The following KMT2C variants were observed in gnomAD, a reference collection of about 807,000 sequenced individuals.
KMT2C encodes the protein histone-lysine N-methyltransferase 2C.
A neutral mutation model predicts 507.9 loss-of-function variants in KMT2C; 88 were observed. The observed-to-expected ratio is 0.17, with a 90% CI of 0.15 to 0.21. The LOEUF (loss-of-function observed/expected upper bound fraction) is 0.21. KMT2C is among the 10% of genes least tolerant of loss of function. The pLI is 1.00. For synonymous variants in KMT2C, 2,049 were observed against 2,080.8 expected (o/e 0.98, Z 0.42); for missense variants, 4,954 against 5,957.8 (o/e 0.83, Z 5.55).
chr7:152,298,692 C>T (rs569589503), intron 6 of KMT2C, among the ~76,000 whole-genome samples: 5 of 152,140 alleles, frequency 3.3e-5, no homozygotes, highest in South Asian at 2.1e-4. Context: ...TGGATCAATA[C>T]GAAGGAATAA....
chr7:152,188,241 T>C (rs1303017299), intron 31 of KMT2C, among the ~76,000 whole-genome samples: 1 of 152,242 alleles, frequency 6.6e-6, no homozygotes, highest in Non-Finnish European at 1.5e-5. Flanking sequence ...ATATGATCTC[T>C]ACAGCTGTGA....
intron 23 of KMT2C, among the ~76,000 whole-genome samples, chr7:152,215,688 T>TATATATATATACACAC (rs766518165): frequency 6.0e-5 from 8 of 134,430 alleles, no homozygotes; most frequent in African/African-American, 2.7e-4. Flanking sequence ...TATATATATA[T>TATATATATATACACAC]ACACACACAC....
intron 1 of KMT2C, among the ~76,000 whole-genome samples, chr7:152,418,512 C>A (rs2097759486): frequency 6.6e-6 from 1 of 152,042 alleles, no homozygotes; most frequent in South Asian, 2.1e-4. Flanking sequence ...CTCACTGCAA[C>A]CTCCACCTCC....
rs2090084870 is a variant in KMT2C at position 152,138,042 on chromosome 7, TC to T, written c.14643+753del. ...AAGTCAAGTCACTCAGGTGCCTCACTCCCCAAATGCGGGACGTTTCCTACAG... is the reference window on the plus strand; with the variant it reads ...AAGTCAAGTCACTCAGGTGCCTCACTCCCAAATGCGGGACGTTTCCTACAG... On this transcript the variant is annotated intron_variant, in intron 58 of 58. Coordinates refer to ENST00000262189, the MANE Select transcript of KMT2C (RefSeq NM_170606.3). This position sits in a 1 kb window ranked among gnomAD's most constrained non-coding sequence, Gnocchi z 4.2. 1 of 152,146 alleles carries T rather than the reference TC, an allele frequency of 6.6e-6. No individual in the cohort carries two copies. Among genetic ancestry groups the T allele is most frequent in the South Asian group, 2.1e-4 (1 of 4,832 alleles). The allele number at this position is 152,146 out of a possible 1,614,324, so 9.4% of individuals were successfully genotyped here.
chr7:152,139,422 A>G (rs2090269657), intron 56 of KMT2C, among the ~76,000 whole-genome samples, 163 bp from the exon 57 acceptor site: 2 of 152,188 alleles, frequency 1.3e-5, no homozygotes, highest in South Asian at 4.1e-4. Context: ...CATGGCACGA[A>G]TGGAAAGCAT....
intron 6 of KMT2C, among the ~76,000 whole-genome samples, chr7:152,284,032 T>C (rs948259450): frequency 1.3e-5 from 2 of 152,174 alleles, no homozygotes; most frequent in African/African-American, 4.8e-5. Context: ...ACACTTAGTT[T>C]TGATTACTTT....
chr7:152,349,337 G>A (rs1363239148), intron 2 of KMT2C, among the ~76,000 whole-genome samples: 3 of 151,866 alleles, frequency 2.0e-5, no homozygotes, highest in Non-Finnish European at 2.9e-5. Flanking sequence ...CCAGCTACTC[G>A]GGAGGCTGAG....
intron 3 of KMT2C, among the ~76,000 whole-genome samples, chr7:152,328,563 A>G (rs2096852007): frequency 6.6e-6 from 1 of 152,218 alleles, no homozygotes; most frequent in Non-Finnish European, 1.5e-5. Flanking sequence ...AATTATGAAT[A>G]TAATTTAAAT....
chr7:152,166,558 A>G (rs1242734719), intron 42 of KMT2C, among the ~76,000 whole-genome samples: 1 of 152,166 alleles, frequency 6.6e-6, no homozygotes, highest in East Asian at 1.9e-4. Context: ...TTCAGTTTAA[A>G]TATTCTGATA....
intron 31 of KMT2C, among the ~76,000 whole-genome samples, chr7:152,193,379 T>C (rs2093864002): frequency 6.6e-6 from 1 of 152,010 alleles, no homozygotes; most frequent in African/African-American, 2.4e-5. Context: ...ATGAACAAAA[T>C]AGGCAAACAT....
intron 1 of KMT2C, among the ~76,000 whole-genome samples, chr7:152,421,737 G>A (rs1372862438): frequency 6.6e-6 from 1 of 152,152 alleles, no homozygotes. Context: ...CTTACTCGAG[G>A]GTGGAGGCTG....
chr7:152,151,088 T>G (rs2091580188), intron 50 of KMT2C, 81 bp from the exon 51 acceptor site: 1 of 835,652 alleles, frequency 1.2e-6, no homozygotes, highest in Non-Finnish European at 1.9e-6. Flanking sequence ...ATTTTTATGT[T>G]ATATTCAAAA....
At chr7:152,222,392 T>C (rs2094803038) in intron 21 of KMT2C, among the ~76,000 whole-genome samples, 181 bp downstream of exon 21, 1 of 152,218 alleles carries the variant, frequency 6.6e-6, no homozygotes, top group African/African-American at 2.4e-5. Context: ...TGTAAATTGT[T>C]TTATAACAAG....
At position 152,364,237 on chromosome 7, in the gene KMT2C, A is replaced by T. The variant is rs866677206; in HGVS notation, c.162-5562T>A. Reference sequence around the variant, plus strand: ...GCCTCATATGCGCAAGAATGTAAAGAAAACATGAATATGAGAGAAACAGAA... The same window carrying T: ...GCCTCATATGCGCAAGAATGTAAAGTAAACATGAATATGAGAGAAACAGAA... On this transcript the variant is annotated intron_variant, in intron 1 of 58. Transcript: ENST00000262189. Among the ~76,000 whole-genome samples, 26 of 152,362 alleles carry T rather than the reference A, an allele frequency of 1.7e-4. No homozygotes were observed. In the Middle Eastern group the frequency reaches 0.01, roughly 60 times the overall value.
At chr7:152,255,125 A>ATATATATATATG (rs2095631906) in intron 9 of KMT2C, among the ~76,000 whole-genome samples, 1 of 119,860 alleles carries the variant, frequency 8.3e-6, no homozygotes, top group Non-Finnish European at 1.7e-5. Flanking sequence ...ATATATATAT[A>ATATATATATATG]TATATATATA....
intron 43 of KMT2C, 91 bp downstream of exon 43, chr7:152,162,023 GAAT>G: frequency 7.4e-7 from 1 of 1,349,086 alleles, no homozygotes; most frequent in East Asian, 2.5e-5. Flanking sequence ...AAAGGTTGTA[GAAT>G]AATGTGGAAA....
Position 152,241,560 on chromosome 7 carries a change from C to T in KMT2C, c.2533-2734G>A, listed in dbSNP as rs116633417. Among the ~76,000 whole-genome samples the T allele has an allele frequency of 3.7e-3, 566 of 152,310 alleles. 6 individuals are homozygous for T. Among genetic ancestry groups the T allele is most frequent in the African/African-American group, 0.013 (549 of 41,584 alleles). On this transcript the variant is annotated intron_variant, in intron 14 of 58. Transcript: ENST00000262189. ...CTCAACAGCAGACCTTTCCTTAGTGCTCCCGGTGAACCATCATCTCTCTTA... is the reference window on the plus strand; with the variant it reads ...CTCAACAGCAGACCTTTCCTTAGTGTTCCCGGTGAACCATCATCTCTCTTA...
Position 152,263,013 on chromosome 7 carries a change from T to C in KMT2C, c.1299+3A>G. 6.3e-7 allele frequency: 1 copy of C among 1,593,816 alleles called. No individual in the cohort carries two copies. The highest frequency in any genetic ancestry group is 8.6e-7 in the Non-Finnish European group (1 of 1,169,200). ...TAAAAAAATAAATAAATAAACAACT[T>C]ACTTTGCATTTCCAGCCATTGGTTG... is the stretch of plus-strand genomic sequence containing the variant. On this transcript the variant is annotated splice_donor_region_variant and intron_variant, in intron 9 of 58. Coordinates refer to ENST00000262189, the MANE Select transcript of KMT2C (RefSeq NM_170606.3).
At chr7:152,393,898 CAAAA>C (rs745616896) in intron 1 of KMT2C, among the ~76,000 whole-genome samples, 3 of 65,298 alleles carry the variant, frequency 4.6e-5, no homozygotes, top group Admixed American at 1.8e-4. Flanking sequence ...AACTCCATCT[CAAAA>C]AAAAAAAAAA....
Sources: allele counts gnomAD v4.1 joint callset (sites outside exome capture counted in the v4.1 genomes callset), GRCh38; gene constraint gnomAD v4.1.1; non-coding constraint Gnocchi (gnomAD v3.1); transcripts MANE v1.5; gene names NCBI Gene and HGNC (gene_info 2026-07-23, HGNC 2026-07-21).